The following SKIC3 variants were observed in gnomAD, a reference collection of about 807,000 sequenced individuals.
SKIC3 encodes the protein superkiller complex protein 3.
chr5:95,548,359 G>C, the SKIC3 span, among the ~76,000 whole-genome samples: 4 of 151,916 alleles, frequency 2.6e-5, no homozygotes, highest in African/African-American at 7.2e-5. Context: ...TGAGAAGTTA[G>C]ATACATATTT....
At chr5:95,547,110 C>T in the SKIC3 span, 4 of 1,613,316 alleles carry the variant, frequency 2.5e-6, no homozygotes, top group Non-Finnish European at 3.4e-6. Flanking sequence ...GATTGCATCT[C>T]TAGCACTTTT....
At chr5:95,483,696 C>T in the SKIC3 span, among the ~76,000 whole-genome samples, 3 of 152,162 alleles carry the variant, frequency 2.0e-5, no homozygotes, top group Non-Finnish European at 2.9e-5. Context: ...GGAAAAGTCA[C>T]GTTCAAAACT....
the SKIC3 span, chr5:95,541,378 A>G: frequency 6.2e-7 from 1 of 1,613,644 alleles, no homozygotes; most frequent in Non-Finnish European, 8.5e-7. Context: ...CTGCTTGTCA[A>G]CACTTAGAAC....
At chr5:95,476,561 C>A in the SKIC3 span, among the ~76,000 whole-genome samples, 1 of 152,042 alleles carries the variant, frequency 6.6e-6, no homozygotes, top group African/African-American at 2.4e-5. Context: ...TTTTCAAGAA[C>A]AAATTGGATT....
At chr5:95,531,080 C>T in the SKIC3 span, among the ~76,000 whole-genome samples, 1 of 151,648 alleles carries the variant, frequency 6.6e-6, no homozygotes, top group Non-Finnish European at 1.5e-5. Context: ...AAAAAAAGAC[C>T]CGATGCTTTA....
chr5:95,526,637 C>T, the SKIC3 span, among the ~76,000 whole-genome samples: 1 of 152,076 alleles, frequency 6.6e-6, no homozygotes, highest in Non-Finnish European at 1.5e-5. Context: ...CCAAGCCAGA[C>T]TAATTTTTCT....
the SKIC3 span, chr5:95,543,334 T>TA: frequency 3.7e-6 from 6 of 1,613,084 alleles, no homozygotes; most frequent in Admixed American, 1.7e-5. Context: ...CTGTCTGATT[T>TA]AAAAAAAATT....
the SKIC3 span, among the ~76,000 whole-genome samples, chr5:95,466,439 A>G: frequency 6.6e-6 from 1 of 152,194 alleles, no homozygotes; most frequent in Non-Finnish European, 1.5e-5. Context: ...ATACTGCCAA[A>G]TATCCAACAT....
At chr5:95,517,267 A>G in the SKIC3 span, 9 of 1,613,370 alleles carry the variant, frequency 5.6e-6, no homozygotes, top group Non-Finnish European at 7.6e-6. Context: ...AGACAGGTAC[A>G]AGCATCCCCA....
At chr5:95,484,858 A>T in the SKIC3 span, 1 of 1,613,376 alleles carries the variant, frequency 6.2e-7, no homozygotes, top group Non-Finnish European at 8.5e-7. Flanking sequence ...GTAAACAAAA[A>T]ATGTCAATGT....
At chr5:95,470,801 T>C in the SKIC3 span, among the ~76,000 whole-genome samples, 1 of 151,806 alleles carries the variant, frequency 6.6e-6, no homozygotes, top group Non-Finnish European at 1.5e-5. Context: ...TATTAGGTAC[T>C]GACTCAGAAA....
At chr5:95,464,431 C>A in the SKIC3 span, 4 of 516,096 alleles carry the variant, frequency 7.8e-6, no homozygotes, top group Admixed American at 3.5e-5. Context: ...AGATTAAAAT[C>A]AGGTTTGGAG....
the SKIC3 span, chr5:95,527,926 A>G: frequency 6.9e-7 from 1 of 1,455,204 alleles, no homozygotes; most frequent in Non-Finnish European, 9.6e-7. Flanking sequence ...AATCCATATA[A>G]GTAAATTTTG....
At chr5:95,484,658 A>G in the SKIC3 span, 1 of 1,610,340 alleles carries the variant, frequency 6.2e-7, no homozygotes, top group Non-Finnish European at 8.5e-7. Flanking sequence ...CATACATTCC[A>G]TTTTTGAAGT....
chr5:95,524,045 A>C, the SKIC3 span, among the ~76,000 whole-genome samples: 1 of 152,180 alleles, frequency 6.6e-6, no homozygotes, highest in Non-Finnish European at 1.5e-5. Flanking sequence ...AAATATAAAA[A>C]TATTTTGTTT....
At chr5:95,506,066 C>T in the SKIC3 span, among the ~76,000 whole-genome samples, 40,989 of 152,128 alleles carry the variant, frequency 0.27, 7,825 homozygotes, top group African/African-American at 0.54. Context: ...CTTTATTCTA[C>T]ACAATATCTG....
chr5:95,530,783 TTG>T, the SKIC3 span, among the ~76,000 whole-genome samples: 2 of 152,218 alleles, frequency 1.3e-5, no homozygotes, highest in Admixed American at 6.5e-5. Flanking sequence ...TATAAGTGAA[TTG>T]TGACACTTAT....
chr5:95,525,665 A>T, the SKIC3 span: 1 of 1,613,974 alleles, frequency 6.2e-7, no homozygotes, highest in Non-Finnish European at 8.5e-7. Context: ...TATTATCTGC[A>T]TCAGAAATCT....
chr5:95,465,833 T>C, the SKIC3 span, among the ~76,000 whole-genome samples: 280 of 152,320 alleles, frequency 1.8e-3, 2 homozygotes, highest in Middle Eastern at 0.017. Flanking sequence ...ACTATCTCTG[T>C]CTTCCAAGGA....
Sources: gnomAD v4.1 joint callset for allele counts (sites outside exome capture counted in the v4.1 genomes callset) on GRCh38, gnomAD v4.1.1 for gene constraint, MANE v1.5 for transcripts, NCBI Gene and HGNC (gene_info 2026-07-23, HGNC 2026-07-21) for gene names.